DDB1: variants seen among roughly 807,000 people sequenced by gnomAD.
DDB1 encodes DNA damage-binding protein 1.
DDB1 carries 18 observed loss-of-function variants against 133.1 expected under a neutral mutation model. The observed-to-expected ratio is 0.14, with a 90% CI of 0.09 to 0.20. The LOEUF (loss-of-function observed/expected upper bound fraction) is 0.20. Ranked by LOEUF, DDB1 falls within the 10% of genes least tolerant of loss-of-function variation. The probability of loss-of-function intolerance (pLI) is 1.00; values close to 1 mark genes in which losing one functional copy is unlikely to be tolerated. For missense variants in DDB1, 828 were observed against 1,459.2 expected, an observed-to-expected ratio of 0.57 and a Z score of 7.05; for synonymous variants, 580 against 550.5, an observed-to-expected ratio of 1.05 and a Z score of -0.75.
rs1484138208 is a variant in DDB1, at chr11:61,309,908, G to A, written c.2454C>T (p.Ser818=). 3 of 1,614,238 alleles carry A rather than the reference G, an allele frequency of 1.9e-6. No homozygotes were observed. Among genetic ancestry groups the A allele is most frequent in the East Asian group, 2.2e-5 (1 of 44,888 alleles). The part of the protein sequence containing the change: ...LQNEYALSLV[S]CKLGKDPNTY... ...TGTTGGGGTCTTTGCCCAGCTTGCAGGAAACCAGACTGAGGGCATATTCAT... is the reference window on the plus strand; with the variant it reads ...TGTTGGGGTCTTTGCCCAGCTTGCAAGAAACCAGACTGAGGGCATATTCAT... Residue 818 remains serine (S), a synonymous_variant, in exon 20 of 27, where the codon TCC becomes TCT. Transcript: ENST00000301764.
intron 21 of DDB1, among the ~76,000 whole-genome samples, chr11:61,308,445 C>A (rs559552736): frequency 2.0e-5 from 3 of 152,322 alleles, no homozygotes; most frequent in Admixed American, 2.0e-4. Flanking sequence ...CACCATTTCA[C>A]GTACTATGTA....
At chr11:61,317,288 T>C (rs923578919) in intron 10 of DDB1, among the ~76,000 whole-genome samples, 1 of 151,360 alleles carries the variant, frequency 6.6e-6, no homozygotes, top group African/African-American at 2.4e-5. Context: ...TAATTTTTTG[T>C]ATTTTTAGTA....
chr11:61,312,785 G>C (rs1236635496), intron 16 of DDB1, among the ~76,000 whole-genome samples: 1 of 151,950 alleles, frequency 6.6e-6, no homozygotes, highest in Non-Finnish European at 1.5e-5. Context: ...TTTTAGTAGA[G>C]ATGGGGTTTC....
At chr11:61,331,493 C>G in intron 2 of DDB1, 50 bp downstream of exon 2, 1 of 1,592,608 alleles carries the variant, frequency 6.3e-7, no homozygotes, top group East Asian at 2.3e-5. Context: ...ATAAAACAAC[C>G]TACGACCAAC....
intron 25 of DDB1, 168 bp downstream of exon 25, chr11:61,302,089 T>C: frequency 1.6e-6 from 1 of 607,758 alleles, no homozygotes; most frequent in Non-Finnish European, 2.9e-6. Flanking sequence ...TTCTATTGTG[T>C]ATGTTTGAAA....
In DDB1 at chr11:61,330,088, T is replaced by C. The variant is rs758964517; in HGVS notation, c.211-14A>G. ...CTTGCTCTCCCCCTGGAAACCAATA[T>C]TATGCTATCAAAAGAGGTTCTTTTT... On this transcript the variant is annotated splice_polypyrimidine_tract_variant and intron_variant, in intron 2 of 26. Transcript: ENST00000301764. 1 of 1,601,546 alleles carries C rather than the reference T, an allele frequency of 6.2e-7. No individual in the cohort carries two copies. The highest frequency in any genetic ancestry group is 8.5e-7 in the Non-Finnish European group (1 of 1,169,614).
chr11:61,322,814 G>A (rs1312505389), intron 8 of DDB1, 197 bp downstream of exon 8: 1 of 588,882 alleles, frequency 1.7e-6, no homozygotes, highest in African/African-American at 1.9e-5. Flanking sequence ...CTAGCACCTT[G>A]CCTGGCAAAT....
rs1016945831 is a variant in DDB1 at position 61,329,367 on chromosome 11, T to C, written c.545A>G (p.Tyr182Cys). ...TCTCTCTTCCTGATCCAGTACCTGG[T>C]AGACAAAGCAAATAGTAGGTGCTTG... ...GCQAPTICFV[Y>C]QDPQGRHVKT... Residue 182 changes from tyrosine to cysteine, a missense_variant, in exon 4 of 27, where the codon TAC (tyrosine) becomes TGC (cysteine). Tyr to Cys is a radical substitution (Grantham distance 194). Around this residue, in one of 7 missense-constraint regions of DDB1, gnomAD observed 210 missense variants for 344.8 expected, o/e 0.61. Transcript: ENST00000301764. The C allele has an allele frequency of 6.2e-7, 1 of 1,614,132 alleles. No homozygotes were observed. The highest frequency in any genetic ancestry group is 8.5e-7 in the Non-Finnish European group (1 of 1,179,980).
rs1171742329 is a variant in DDB1, at chr11:61,326,871, T to C, written c.572A>G (p.Lys191Arg). Residue 191 changes from lysine (K) to arginine (R), a missense_variant, in exon 5 of 27, where the codon AAA becomes AGA. By Grantham distance (26) the Lys-to-Arg change is conservative. Around this residue, in one of 7 missense-constraint regions of DDB1, gnomAD observed 210 missense variants for 344.8 expected, o/e 0.61. Transcript: ENST00000301764. Reference sequence around the variant, plus strand: ...TTCTCGGAGAGACACCTCATAGGTTTTTACGTGCCGCCCCTGAGGGTCCTG... The same window carrying C: ...TTCTCGGAGAGACACCTCATAGGTTCTTACGTGCCGCCCCTGAGGGTCCTG... ...VYQDPQGRHV[K>R]TYEVSLREKE... 6.2e-7 allele frequency: 1 copy of C among 1,614,010 alleles called. No homozygotes were observed. Among genetic ancestry groups the C allele is most frequent in the African/African-American group, 1.3e-5 (1 of 74,896 alleles).
In DDB1 at chr11:61,313,623, C is replaced by T. The variant is rs1194687578; in HGVS notation, c.1945G>A (p.Val649Ile). 15 of 1,614,084 alleles carry T rather than the reference C, an allele frequency of 9.3e-6. No individual in the cohort carries two copies. The East Asian group carries it at 1.3e-4, about 14-fold the overall frequency. ...RTFRSLSTTN[V>I]FACSDRPTVI... ...GTGGGGCGGTCAGAACAAGCAAAGA[C>T]GTTGGTGGTAGAAAGAGAACGAAAA... The change falls in exon 16 of 27, where the codon GTC becomes ATC. Residue 649 changes from valine (V) to isoleucine (I), a missense_variant. Val to Ile is a conservative substitution (Grantham distance 29). This residue lies in a region of DDB1 where 396 missense variants were observed against 554.1 expected (regional missense o/e 0.71). Transcript: ENST00000301764.
At chr11:61,332,564 A>C (rs1210170896) in intron 1 of DDB1, 5 of 234,818 alleles carry the variant, frequency 2.1e-5, no homozygotes, top group Admixed American at 1.7e-4. Context: ...AGTCGTCATT[A>C]CCACCTCCCC....
chr11:61,318,432 G>T lies in DDB1; in HGVS notation c.1226-1865C>A, dbSNP rs75115546. ...AAGCATGTTTATTTTCTCACAGCCC[G>T]ACCAACATAATGTGTGGTCAAACTT... On this transcript the variant is annotated intron_variant, in intron 10 of 26. Transcript: ENST00000301764. Among the ~76,000 whole-genome samples, 557 of 152,184 alleles carry T rather than the reference G, an allele frequency of 3.7e-3. 5 individuals carry two copies. Among genetic ancestry groups the T allele is most frequent in the African/African-American group, 0.013 (540 of 41,516 alleles).
chr11:61,313,786 C>T, intron 15 of DDB1, 76 bp downstream of exon 15: 4 of 1,592,792 alleles, frequency 2.5e-6, no homozygotes, highest in Admixed American at 1.8e-5. Flanking sequence ...AAAAGCAGAA[C>T]CCTGGGACTA....
chr11:61,300,681 G>T lies in DDB1; in HGVS notation c.3339+128C>A, dbSNP rs141689394. ...TCCCTCAGACTCCACCTTCCATCTGGTAAGGATTACACAGAGGTCCCCTCG... is the reference window on the plus strand; with the variant it reads ...TCCCTCAGACTCCACCTTCCATCTGTTAAGGATTACACAGAGGTCCCCTCG... On this transcript the variant is annotated intron_variant, in intron 26 of 26. Coordinates refer to ENST00000301764, the MANE Select transcript of DDB1 (RefSeq NM_001923.5). The T allele has an allele frequency of 1.6e-3, 2,205 of 1,421,030 alleles. 12 individuals are homozygous for T. Among genetic ancestry groups the T allele is most frequent in the Middle Eastern group, 7.5e-3 (31 of 4,132 alleles). 88.0% of individuals were successfully genotyped at this position (1,421,030 alleles called of 1,614,324 possible).
At chr11:61,324,704 CAA>C (rs1281578212) in intron 6 of DDB1, among the ~76,000 whole-genome samples, 1 of 152,050 alleles carries the variant, frequency 6.6e-6, no homozygotes, top group Non-Finnish European at 1.5e-5. Context: ...TCTTTTTTCT[CAA>C]AAAGAAAGTA....
chr11:61,312,736 T>G (rs1855998523), intron 16 of DDB1, among the ~76,000 whole-genome samples: 1 of 151,922 alleles, frequency 6.6e-6, no homozygotes, highest in Non-Finnish European at 1.5e-5. Context: ...GTAGCTGGGA[T>G]TACAGGTGCC....
chr11:61,310,194 G>T, intron 19 of DDB1, 101 bp downstream of exon 19: 1 of 1,513,564 alleles, frequency 6.6e-7, no homozygotes, highest in African/African-American at 1.4e-5. Flanking sequence ...CTCCTCCTAG[G>T]ACAGTCTGCC....
intron 16 of DDB1, 106 bp downstream of exon 16, chr11:61,313,393 A>C: frequency 3.9e-6 from 4 of 1,022,742 alleles, no homozygotes; most frequent in Non-Finnish European, 5.8e-6. Context: ...TTCCCATCTC[A>C]GTTATGATTT....
chr11:61,317,013 G>T, intron 10 of DDB1, among the ~76,000 whole-genome samples: 1 of 110,774 alleles, frequency 9.0e-6, no homozygotes, highest in Non-Finnish European at 1.9e-5. Context: ...ATGGCAGCCT[G>T]ACACCACTGG....
Sources: gnomAD v4.1 joint callset for allele counts (sites outside exome capture counted in the v4.1 genomes callset) on GRCh38, gnomAD v4.1.1 for gene constraint, gnomAD v4.1.1 regional missense constraint, MANE v1.5 for transcripts, NCBI Gene and HGNC (gene_info 2026-07-23, HGNC 2026-07-21) for gene names.